PKD2: variants seen among roughly 807,000 people sequenced by gnomAD.
The protein encoded by PKD2 is polycystin 2, transient receptor potential cation channel, also known as polycystin-2.
A neutral mutation model predicts 105.9 loss-of-function variants in PKD2; 48 were observed. The ratio of observed to expected loss-of-function variants is 0.45; its 90% CI spans 0.36 to 0.58. The LOEUF (loss-of-function observed/expected upper bound fraction) is 0.58. PKD2 is among the 20% of genes least tolerant of loss of function. The pLI, the probability that PKD2 is intolerant of heterozygous loss-of-function variation, is 0.00. For synonymous variants in PKD2, 464 were observed against 481.1 expected (o/e 0.96, Z 0.46); for missense variants, 1,078 against 1,255.3 (o/e 0.86, Z 2.13).
In PKD2 at chr4:88,077,610, CTTT is replaced by C. The variant is rs1182841505; in HGVS notation, c.*1917_*1919del. 1 of 152,420 alleles carries C rather than the reference CTTT, an allele frequency of 6.6e-6. No homozygotes were observed. Among genetic ancestry groups the C allele is most frequent in the East Asian group, 1.9e-4 (1 of 5,196 alleles). The allele number at this position is 152,420 out of a possible 1,614,324, so 9.4% of individuals were successfully genotyped here. ...CCCATAAATTACATATATTTTTCTTCTTTAGTCATGGAGAACTCCCCCCCTCAT... is the reference window on the plus strand; with the variant it reads ...CCCATAAATTACATATATTTTTCTTCAGTCATGGAGAACTCCCCCCCTCAT... On this transcript the variant is annotated 3_prime_UTR_variant, in exon 15 of 15. Coordinates refer to ENST00000237596, the MANE Select transcript of PKD2 (RefSeq NM_000297.4).
chr4:88,063,546 AAAG>A (rs1720663875), intron 10 of PKD2, among the ~76,000 whole-genome samples: 1 of 151,684 alleles, frequency 6.6e-6, no homozygotes, highest in Admixed American at 6.6e-5. Context: ...AAAAAAAAGA[AAAG>A]AAAAGAAAAG....
chr4:88,036,886 C>T (rs1727352793), intron 3 of PKD2, among the ~76,000 whole-genome samples: 1 of 152,132 alleles, frequency 6.6e-6, no homozygotes, highest in Non-Finnish European at 1.5e-5. Context: ...TGGCATGTAT[C>T]CCCAGCTCTT....
At chr4:88,043,481 C>T (rs933312174) in intron 5 of PKD2, 24 bp downstream of exon 5, 53 of 1,483,070 alleles carry the variant, frequency 3.6e-5, no homozygotes, top group Non-Finnish European at 4.9e-5. Flanking sequence ...ACATGCATCC[C>T]TCCTATTTCT....
chr4:88,028,739 G>T (rs952021746), intron 2 of PKD2, among the ~76,000 whole-genome samples: 1 of 152,124 alleles, frequency 6.6e-6, no homozygotes, highest in African/African-American at 2.4e-5. Flanking sequence ...CCTAGGAAAA[G>T]ATCAAAATTC....
At chr4:88,043,175 T>C (rs538084283) in intron 4 of PKD2, 58 bp from the exon 5 acceptor site, 7 of 1,081,858 alleles carry the variant, frequency 6.5e-6, no homozygotes, top group Non-Finnish European at 1.0e-5. Flanking sequence ...GTCCTTGTAA[T>C]TGCCTCAAGT....
chr4:88,058,216 G>T, intron 9 of PKD2, 113 bp downstream of exon 9: 1 of 721,882 alleles, frequency 1.4e-6, no homozygotes, highest in Non-Finnish European at 2.4e-6. Context: ...CCAGGAAGTA[G>T]AAAAAAGTGT....
chr4:88,036,293 C>A lies in PKD2; in HGVS notation c.783C>A (p.Pro261=), dbSNP rs766343471. The change falls in exon 3 of 15, where the codon CCC becomes CCA. Residue 261 remains proline (P), a synonymous_variant. Coordinates refer to ENST00000237596, the MANE Select transcript of PKD2 (RefSeq NM_000297.4). ...TGTCACAGCTCTTCCTAGACACCCC[C>A]GTGTCCAAAACGGAGAAAACTAACT... The part of the protein sequence containing the change: ...RMMSQLFLDT[P]VSKTEKTNFK... The A allele has an allele frequency of 6.2e-7, 1 of 1,613,914 alleles. No individual in the cohort carries two copies. The highest frequency in any genetic ancestry group is 1.1e-5 in the South Asian group (1 of 91,076).
chr4:88,050,259 C>G (rs1177895834), intron 6 of PKD2, among the ~76,000 whole-genome samples: 2 of 152,128 alleles, frequency 1.3e-5, no homozygotes, highest in Non-Finnish European at 2.9e-5. Flanking sequence ...CAGGCGTGAA[C>G]CACCGCGCCT....
chr4:88,024,854 G>A (rs1298839820), intron 2 of PKD2, among the ~76,000 whole-genome samples: 1 of 152,154 alleles, frequency 6.6e-6, no homozygotes, highest in East Asian at 1.9e-4. Flanking sequence ...GAAAAAATAG[G>A]CCAAGCACAG....
intron 1 of PKD2, among the ~76,000 whole-genome samples, chr4:88,011,948 G>T (rs1204889890): frequency 4.0e-5 from 6 of 151,550 alleles, no homozygotes; most frequent in Non-Finnish European, 8.8e-5. Flanking sequence ...GCAATCTCTG[G>T]AGACATTTTT....
chr4:88,007,930 A>G lies in PKD2; in HGVS notation c.197A>G (p.Asp66Gly), dbSNP rs1278983560. ...CGCATCCGGCAGGCGGCCGCGCGGG[A>G]CCCCCCGGCCGGAGCCGCGGCCTCC... is the stretch of plus-strand genomic sequence containing the variant. ...MQRIRQAAAR[D>G]PPAGAAASPS... The change falls in exon 1 of 15, where the codon GAC (aspartate) becomes GGC (glycine). Residue 66 changes from aspartate (D) to glycine (G), a missense_variant. By Grantham distance (94) the Asp-to-Gly change is moderately conservative. Around this residue, in one of 2 missense-constraint regions of PKD2, gnomAD observed 210 missense variants for 187.9 expected, o/e 1.12. Transcript: ENST00000237596. The G allele has an allele frequency of 6.9e-7, 1 of 1,446,278 alleles. No homozygotes were observed. The highest frequency in any genetic ancestry group is 9.1e-7 in the Non-Finnish European group (1 of 1,096,538). The allele number at this position is 1,446,278 out of a possible 1,614,324, so 89.6% of individuals were successfully genotyped here. A position where few individuals can be genotyped will look rare whatever the true frequency, so the allele number is the denominator to read the frequency against.
chr4:88,047,515 T>C (rs1578136538), intron 6 of PKD2, among the ~76,000 whole-genome samples: 1 of 152,084 alleles, frequency 6.6e-6, no homozygotes, highest in East Asian at 1.9e-4. Context: ...GAGCTATAAA[T>C]GCACCACTGC....
At chr4:88,047,406 A>T (rs76620884) in intron 6 of PKD2, among the ~76,000 whole-genome samples, 7 of 151,634 alleles carry the variant, frequency 4.6e-5, no homozygotes, top group Non-Finnish European at 7.4e-5. Context: ...AAAAAAAAAA[A>T]TTTAATTAGT....
rs891509126 is a variant in PKD2 at position 88,038,160 on chromosome 4, T to G, written c.844-91T>G. 7 of 1,296,746 alleles carry G rather than the reference T, an allele frequency of 5.4e-6. No homozygotes were observed. In the African/African-American group the frequency reaches 8.9e-5, roughly 16 times the overall value. The allele number at this position is 1,296,746 out of a possible 1,614,324, so 80.3% of individuals were successfully genotyped here. A position where few individuals can be genotyped will look rare whatever the true frequency, so the allele number is the denominator to read the frequency against. On this transcript the variant is annotated intron_variant, in intron 3 of 14. Coordinates refer to ENST00000237596, the MANE Select transcript of PKD2 (RefSeq NM_000297.4). Reference sequence around the variant, plus strand: ...TATCACTCTACTATTTTCATAGAGTTGCCAAATGCTTGGTTATGCAAACGA... The same window carrying G: ...TATCACTCTACTATTTTCATAGAGTGGCCAAATGCTTGGTTATGCAAACGA...
At chr4:88,061,870 TC>T (rs766017555) in intron 9 of PKD2, 35 bp from the exon 10 acceptor site, 15 of 956,726 alleles carry the variant, frequency 1.6e-5, no homozygotes, top group Non-Finnish European at 2.4e-5. Flanking sequence ...TTATGTTTCT[TC>T]CTTTAATTTT....
At chr4:88,061,836 A>AT in intron 9 of PKD2, 70 bp from the exon 10 acceptor site, 1 of 803,658 alleles carries the variant, frequency 1.2e-6, no homozygotes, top group Non-Finnish European at 2.2e-6. Context: ...GGCATGTGTC[A>AT]TTTTTTTGAT....
chr4:88,063,681 C>T (rs572231174), intron 10 of PKD2, among the ~76,000 whole-genome samples: 2 of 152,210 alleles, frequency 1.3e-5, no homozygotes, highest in African/African-American at 4.8e-5. Flanking sequence ...GTTGACACTG[C>T]GATCATTCAA....
At chr4:88,034,093 A>C (rs1026588820) in intron 2 of PKD2, among the ~76,000 whole-genome samples, 3 of 152,100 alleles carry the variant, frequency 2.0e-5, no homozygotes, top group African/African-American at 7.2e-5. Flanking sequence ...CTAAACTCTT[A>C]ACTCTGCCCC....
At chr4:88,075,357 TA>T (rs1349756338) in intron 14 of PKD2, 100 bp from the exon 15 acceptor site, 22 of 912,354 alleles carry the variant, frequency 2.4e-5, no homozygotes, top group Admixed American at 3.4e-5. Context: ...TTATATGCTG[TA>T]AATCTCCAGC....
Sources: allele counts gnomAD v4.1 joint callset (sites outside exome capture counted in the v4.1 genomes callset), GRCh38; gene constraint gnomAD v4.1.1; regional missense constraint gnomAD v4.1.1; transcripts MANE v1.5; gene names NCBI Gene and HGNC (gene_info 2026-07-23, HGNC 2026-07-21).